The following ATAD2B variants were observed in gnomAD, a reference collection of about 807,000 sequenced individuals.
The protein encoded by ATAD2B is ATPase family AAA domain-containing protein 2B.
ATAD2B carries 40 observed loss-of-function variants against 167.6 expected under a neutral mutation model. The ratio of observed to expected loss-of-function variants is 0.24; its 90% CI spans 0.19 to 0.31. The LOEUF is 0.31. Among genes scored for constraint, ATAD2B ranks in the 10% least tolerant of loss-of-function variants. The pLI, the probability that ATAD2B is intolerant of heterozygous loss-of-function variation, is 1.00. For missense variants in ATAD2B, 1,242 were observed against 1,757.2 expected, an observed-to-expected ratio of 0.71 and a Z score of 5.24; for synonymous variants, 579 against 596.5, an observed-to-expected ratio of 0.97 and a Z score of 0.43.
chr2:23,892,097 C>A (rs1470712725), intron 2 of ATAD2B, among the ~76,000 whole-genome samples: 1 of 152,244 alleles, frequency 6.6e-6, no homozygotes, highest in Non-Finnish European at 1.5e-5. Context: ...CCTCACCTCA[C>A]TACTTCCTCA....
At chr2:23,724,766 G>T in the ATAD2B span, among the ~76,000 whole-genome samples, 9 of 152,262 alleles carry the variant, frequency 5.9e-5, no homozygotes, top group Middle Eastern at 3.4e-3. Flanking sequence ...CAGAGAGGCT[G>T]GGCACGGTGG....
At chr2:23,720,073 C>T in the ATAD2B span, among the ~76,000 whole-genome samples, 4 of 152,198 alleles carry the variant, frequency 2.6e-5, no homozygotes, top group African/African-American at 9.7e-5. Context: ...TAAGGTGCCA[C>T]TAAAAGCCAG....
At chr2:23,691,662 C>G in the ATAD2B span, 19 of 1,551,242 alleles carry the variant, frequency 1.2e-5, no homozygotes, top group Non-Finnish European at 1.5e-5. Flanking sequence ...ACACCCTGGT[C>G]TCTGTGCCTA....
chr2:23,908,941 T>G (rs368678558), intron 1 of ATAD2B, among the ~76,000 whole-genome samples: 2 of 129,506 alleles, frequency 1.5e-5, no homozygotes, highest in Non-Finnish European at 3.1e-5. Flanking sequence ...TGAACAATGA[T>G]AACACATGGA....
intron 24 of ATAD2B, among the ~76,000 whole-genome samples, chr2:23,760,699 T>TAC (rs1238984150): frequency 0.026 from 3,205 of 123,604 alleles, 96 homozygotes; most frequent in African/African-American, 0.067. Flanking sequence ...TTTATATATA[T>TAC]ACACACACAC....
chr2:23,818,617 C>T (rs938452997), intron 17 of ATAD2B, among the ~76,000 whole-genome samples: 1 of 152,114 alleles, frequency 6.6e-6, no homozygotes, highest in Non-Finnish European at 1.5e-5. Context: ...ATCAAATCAA[C>T]ATTTCACCAA....
intron 17 of ATAD2B, among the ~76,000 whole-genome samples, chr2:23,815,478 C>T (rs958962973): frequency 2.0e-5 from 3 of 152,154 alleles, no homozygotes; most frequent in Admixed American, 2.0e-4. Flanking sequence ...TACAGTCCAG[C>T]TATGTACGGA....
At chr2:23,900,887 G>C (rs1207588354) in intron 1 of ATAD2B, 1 of 152,396 alleles carries the variant, frequency 6.6e-6, no homozygotes, top group African/African-American at 2.4e-5. Context: ...GTATATTTTT[G>C]TGACAGGCAA....
chr2:23,926,479 C>G (rs548034412), intron 1 of ATAD2B, 76 bp downstream of exon 1: 2,344 of 1,498,568 alleles, frequency 1.6e-3, no homozygotes, highest in Non-Finnish European at 1.9e-3. Context: ...CTTCCTACCC[C>G]CAACCCGGCC....
the ATAD2B span, chr2:23,707,776 C>T: frequency 6.6e-6 from 1 of 152,276 alleles, no homozygotes; most frequent in Non-Finnish European, 1.5e-5. Flanking sequence ...AAGGCACCTG[C>T]CACAAGAGCT....
chr2:23,708,647 A>G, the ATAD2B span: 2 of 152,214 alleles, frequency 1.3e-5, no homozygotes, highest in Admixed American at 1.3e-4. Context: ...TCGTCCTGCC[A>G]CAGGGATGCA....
chr2:23,752,963 T>G lies in ATAD2B; in HGVS notation c.4336-876A>C, dbSNP rs548406563. On this transcript the variant is annotated intron_variant, in intron 27 of 27. Transcript: ENST00000238789. Reference sequence around the variant, plus strand: ...TGTTTCACTGGTGAGGAGTATTTAATGCATTCAAGCTAATAAAACTGCAAC... The same window carrying G: ...TGTTTCACTGGTGAGGAGTATTTAAGGCATTCAAGCTAATAAAACTGCAAC... Among the ~76,000 whole-genome samples the G allele has an allele frequency of 5.9e-5, 9 of 152,248 alleles. No homozygotes were observed. In the East Asian group the frequency reaches 1.7e-3, roughly 29 times the overall value.
chr2:23,823,743 T>C (rs1051214704), intron 15 of ATAD2B, among the ~76,000 whole-genome samples, 174 bp from the exon 16 acceptor site: 1 of 152,100 alleles, frequency 6.6e-6, no homozygotes, highest in Non-Finnish European at 1.5e-5. Context: ...AAACAAAACT[T>C]TGAATAAAGG....
At chr2:23,924,705 A>G (rs916997353) in intron 1 of ATAD2B, among the ~76,000 whole-genome samples, 2 of 152,214 alleles carry the variant, frequency 1.3e-5, no homozygotes, top group Admixed American at 6.5e-5. Context: ...ATGGTGCTTT[A>G]AAACATTTTA....
At chr2:23,772,695 T>TA (rs908468571) in intron 22 of ATAD2B, among the ~76,000 whole-genome samples, 40 of 151,078 alleles carry the variant, frequency 2.6e-4, no homozygotes, top group African/African-American at 9.7e-4. Flanking sequence ...TATATTCTTT[T>TA]AAAAAAATCT....
chr2:23,687,907 G>A, the ATAD2B span, among the ~76,000 whole-genome samples: 1 of 151,676 alleles, frequency 6.6e-6, no homozygotes, highest in Admixed American at 6.5e-5. Context: ...AAAGATGACA[G>A]TCAGACCATG....
intron 18 of ATAD2B, among the ~76,000 whole-genome samples, chr2:23,807,587 C>T (rs1460403999): frequency 2.6e-5 from 4 of 151,752 alleles, no homozygotes; most frequent in South Asian, 2.1e-4. Flanking sequence ...GAGGCCAAGG[C>T]GGGCAGATCA....
At chr2:23,755,611 T>C (rs1388898070) in intron 25 of ATAD2B, among the ~76,000 whole-genome samples, 2 of 152,148 alleles carry the variant, frequency 1.3e-5, no homozygotes, top group African/African-American at 2.4e-5. Context: ...ATGTGGCCCA[T>C]GTCAGGGACA....
chr2:23,925,976 C>T (rs1261821025), intron 1 of ATAD2B, among the ~76,000 whole-genome samples: 2 of 152,158 alleles, frequency 1.3e-5, no homozygotes, highest in African/African-American at 2.4e-5. Flanking sequence ...TCTCTCCTGC[C>T]TGGAGAGGCG....
Sources: allele counts gnomAD v4.1 joint callset (sites outside exome capture counted in the v4.1 genomes callset), GRCh38; gene constraint gnomAD v4.1.1; transcripts MANE v1.5; gene names NCBI Gene and HGNC (gene_info 2026-07-23, HGNC 2026-07-21).